KLHL1: variants seen among roughly 807,000 people sequenced by gnomAD.
KLHL1 encodes kelch like family member 1.
Under a neutral mutation model 77.7 loss-of-function variants are expected in KLHL1, and 47 were observed. That is an observed-to-expected ratio of 0.60 (90% confidence interval 0.48 to 0.77). The LOEUF is 0.77. Among genes scored for constraint, KLHL1 ranks in the 30% least tolerant of loss-of-function variants. The pLI, the probability that KLHL1 is intolerant of heterozygous loss-of-function variation, is 0.00. For synonymous variants in KLHL1, 360 were observed against 325.2 expected, an observed-to-expected ratio of 1.11 and a Z score of -1.15; for missense variants, 925 against 910.8, an observed-to-expected ratio of 1.02 and a Z score of -0.20.
chr13:69,857,910 C>T (rs950618873), intron 5 of KLHL1, among the ~76,000 whole-genome samples: 1 of 151,570 alleles, frequency 6.6e-6, no homozygotes, highest in African/African-American at 2.4e-5. Context: ...CTGGGTAATT[C>T]CTGGTGCCAC....
chr13:69,946,898 AG>A (rs1162702353), intron 3 of KLHL1, among the ~76,000 whole-genome samples: 1 of 149,914 alleles, frequency 6.7e-6, no homozygotes, highest in African/African-American at 2.5e-5. Context: ...TTGGTACAAA[AG>A]TAATTGTGGG....
At chr13:69,899,025 T>A (rs1881756938) in intron 4 of KLHL1, among the ~76,000 whole-genome samples, 1 of 152,148 alleles carries the variant, frequency 6.6e-6, no homozygotes, top group Non-Finnish European at 1.5e-5. Flanking sequence ...CACATTTTTT[T>A]TTTTTTTTGT....
At chr13:69,905,808 AG>A (rs1882028903) in intron 4 of KLHL1, among the ~76,000 whole-genome samples, 2 of 152,204 alleles carry the variant, frequency 1.3e-5, no homozygotes, top group African/African-American at 4.8e-5. Flanking sequence ...AATCTACAAA[AG>A]TTTATGCTCA....
At chr13:69,803,884 A>C (rs1172859327) in intron 6 of KLHL1, among the ~76,000 whole-genome samples, 1 of 152,190 alleles carries the variant, frequency 6.6e-6, no homozygotes, top group Non-Finnish European at 1.5e-5. Flanking sequence ...ATCAAAATAA[A>C]TTTGGAAAAG....
intron 7 of KLHL1, among the ~76,000 whole-genome samples, chr13:69,752,693 T>C (rs1028349493): frequency 5.9e-5 from 9 of 152,160 alleles, no homozygotes; most frequent in African/African-American, 2.2e-4. Context: ...ATGAGGCCAC[T>C]GACCTGGGGG....
chr13:69,792,495 T>C (rs1350969382), intron 7 of KLHL1, among the ~76,000 whole-genome samples: 1 of 152,160 alleles, frequency 6.6e-6, no homozygotes, highest in Non-Finnish European at 1.5e-5. Flanking sequence ...AGTTTTGCAG[T>C]TTCTCCAAAA....
intron 4 of KLHL1, among the ~76,000 whole-genome samples, chr13:69,925,149 T>C (rs949487275): frequency 6.6e-6 from 1 of 152,124 alleles, no homozygotes; most frequent in Non-Finnish European, 1.5e-5. Flanking sequence ...GGTTTTCAGC[T>C]GGTGAAGCAA....
chr13:70,012,446 C>T (rs1885557825), intron 1 of KLHL1, among the ~76,000 whole-genome samples: 1 of 151,930 alleles, frequency 6.6e-6, no homozygotes, highest in Admixed American at 6.6e-5. Flanking sequence ...CCCAAGGTAG[C>T]TTTTGTCTGA....
At chr13:69,909,636 C>A (rs543547669) in intron 4 of KLHL1, among the ~76,000 whole-genome samples, 92 of 151,806 alleles carry the variant, frequency 6.1e-4, no homozygotes, top group Non-Finnish European at 1.0e-3. Context: ...CAATAAAATT[C>A]TCCTATTCAT....
At chr13:69,734,242 G>A (rs1393593589) in intron 8 of KLHL1, among the ~76,000 whole-genome samples, 1 of 152,122 alleles carries the variant, frequency 6.6e-6, no homozygotes, top group Non-Finnish European at 1.5e-5. Context: ...CTTTCACCAT[G>A]TGATGTGCCT....
At chr13:70,032,540 G>T (rs1296400458) in intron 1 of KLHL1, among the ~76,000 whole-genome samples, 1 of 152,096 alleles carries the variant, frequency 6.6e-6, no homozygotes, top group Non-Finnish European at 1.5e-5. Flanking sequence ...CTATATAAAA[G>T]TTCCCTGTAA....
intron 7 of KLHL1, among the ~76,000 whole-genome samples, chr13:69,741,587 G>C (rs1010355778): frequency 6.6e-6 from 1 of 152,124 alleles, no homozygotes; most frequent in African/African-American, 2.4e-5. Context: ...CCCATAGGGT[G>C]ATCCAAAGAA....
chr13:69,969,859 A>G (rs1884326436), intron 2 of KLHL1, among the ~76,000 whole-genome samples: 1 of 152,210 alleles, frequency 6.6e-6, no homozygotes, highest in Non-Finnish European at 1.5e-5. Flanking sequence ...ACATGCATAA[A>G]GAAGTATATG....
At chr13:69,989,462 T>C (rs1215275986) in intron 1 of KLHL1, among the ~76,000 whole-genome samples, 2 of 152,044 alleles carry the variant, frequency 1.3e-5, no homozygotes, top group African/African-American at 2.4e-5. Context: ...TGGTTCCATA[T>C]GAATTTGAGA....
chr13:69,786,037 T>C (rs1207938029), intron 7 of KLHL1, among the ~76,000 whole-genome samples: 9 of 151,394 alleles, frequency 5.9e-5, no homozygotes, highest in Non-Finnish European at 1.3e-4. Context: ...CCAAAAAGAG[T>C]CCAGGACCAG....
intron 1 of KLHL1, among the ~76,000 whole-genome samples, chr13:70,079,182 C>T (rs2137427886): frequency 6.6e-6 from 1 of 152,242 alleles, no homozygotes; most frequent in Admixed American, 6.5e-5. Flanking sequence ...GGTTCAATAT[C>T]TTCAGTAATT....
intron 3 of KLHL1, among the ~76,000 whole-genome samples, chr13:69,942,864 T>A (rs1310900076): frequency 6.6e-6 from 1 of 152,168 alleles, no homozygotes; most frequent in Non-Finnish European, 1.5e-5. Context: ...AATGTTCAAA[T>A]AGTTTGCTGT....
intron 1 of KLHL1, among the ~76,000 whole-genome samples, chr13:70,070,936 A>ATTC (rs1887123754): frequency 2.6e-5 from 4 of 152,058 alleles, no homozygotes; most frequent in Non-Finnish European, 5.9e-5. Context: ...CTAATAGAGG[A>ATTC]GAAAATTGAA....
chr13:70,018,678 A>C (rs1304024877), intron 1 of KLHL1, among the ~76,000 whole-genome samples: 1 of 149,896 alleles, frequency 6.7e-6, no homozygotes, highest in African/African-American at 2.5e-5. Context: ...TGAATAATCC[A>C]AAGAGATGTT....
Sources: allele counts gnomAD v4.1 joint callset (sites outside exome capture counted in the v4.1 genomes callset), GRCh38; gene constraint gnomAD v4.1.1; transcripts MANE v1.5; gene names NCBI Gene and HGNC (gene_info 2026-07-23, HGNC 2026-07-21).